The following KCND2 variants were observed in gnomAD, a reference collection of about 807,000 sequenced individuals.
The protein encoded by KCND2 is potassium voltage-gated channel subfamily D member 2, also known as A-type voltage-gated potassium channel KCND2.
A neutral mutation model predicts 54.4 loss-of-function variants in KCND2; 16 were observed. The ratio of observed to expected loss-of-function variants is 0.29; its 90% CI spans 0.20 to 0.45. The LOEUF is 0.45. Ranked by LOEUF, KCND2 falls within the 20% of genes least tolerant of loss-of-function variation. KCND2 has a pLI of 1.00. For synonymous variants in KCND2, 317 were observed against 310.7 expected (o/e 1.02, Z -0.21); for missense variants, 486 against 824.2 (o/e 0.59, Z 5.02).
intron 1 of KCND2, among the ~76,000 whole-genome samples, chr7:120,294,505 A>G (rs189770155): frequency 6.6e-6 from 1 of 151,946 alleles, no homozygotes; most frequent in East Asian, 1.9e-4. Context: ...ACTAGATCTG[A>G]TTAATGCCGT....
intron 1 of KCND2, among the ~76,000 whole-genome samples, chr7:120,544,654 A>T (rs997750048): frequency 6.6e-6 from 1 of 151,964 alleles, no homozygotes; most frequent in African/African-American, 2.4e-5. Flanking sequence ...AACTGCAACA[A>T]TAGTTCAAAC....
chr7:120,430,661 G>C (rs1188179147), intron 1 of KCND2, among the ~76,000 whole-genome samples: 2 of 152,200 alleles, frequency 1.3e-5, no homozygotes, highest in East Asian at 3.9e-4. Flanking sequence ...ATAATTACCT[G>C]ATAAATTATT....
intron 1 of KCND2, 52 bp downstream of exon 1, chr7:120,275,799 T>A: frequency 6.4e-7 from 1 of 1,568,552 alleles, no homozygotes; most frequent in African/African-American, 1.3e-5. Context: ...GTGAGGCGAT[T>A]GTGGACCCAT....
chr7:120,351,992 A>G (rs1446140030), intron 1 of KCND2, among the ~76,000 whole-genome samples: 1 of 151,894 alleles, frequency 6.6e-6, no homozygotes, highest in Non-Finnish European at 1.5e-5. Flanking sequence ...TTGTATTTTC[A>G]GTAGAGACAG....
intron 1 of KCND2, among the ~76,000 whole-genome samples, chr7:120,548,319 G>T (rs931188814): frequency 2.0e-5 from 3 of 152,108 alleles, no homozygotes; most frequent in African/African-American, 7.2e-5. Flanking sequence ...TCTTATTTCT[G>T]ACTGGTGAAC....
At position 120,418,912 on chromosome 7, in the gene KCND2, C is replaced by T. The variant is rs544389963; in HGVS notation, c.1115+143165C>T. 3.3e-5 allele frequency among the ~76,000 whole-genome samples: 5 copies of T among 152,058 alleles called. No homozygotes were observed. In the East Asian group the frequency reaches 5.8e-4, roughly 18 times the overall value. On this transcript the variant is annotated intron_variant, in intron 1 of 5. Transcript: ENST00000331113. ...CAAAGCATTAAGTTATTCAAGCAGG[C>T]GAGAAATTCAGTGGAAAAAAATCAT...
At chr7:120,280,566 C>T (rs1799245503) in intron 1 of KCND2, among the ~76,000 whole-genome samples, 1 of 151,992 alleles carries the variant, frequency 6.6e-6, no homozygotes, top group South Asian at 2.1e-4. Context: ...TACTTCTGAA[C>T]ATTCCTCTCA....
intron 1 of KCND2, among the ~76,000 whole-genome samples, chr7:120,444,002 C>T (rs1435763807): frequency 6.6e-6 from 1 of 152,100 alleles, no homozygotes; most frequent in Non-Finnish European, 1.5e-5. Context: ...TCATTCCTTG[C>T]TCCTGCTGTT....
chr7:120,420,817 G>C (rs1584771642), intron 1 of KCND2, among the ~76,000 whole-genome samples: 1 of 152,054 alleles, frequency 6.6e-6, no homozygotes, highest in East Asian at 1.9e-4. Context: ...ATGATTGCTG[G>C]CAAAATCATA....
intron 1 of KCND2, among the ~76,000 whole-genome samples, chr7:120,427,227 A>G (rs1472941335): frequency 1.3e-5 from 2 of 152,188 alleles, no homozygotes; most frequent in Non-Finnish European, 2.9e-5. Context: ...ATACAAACCT[A>G]TAACACAAAA....
chr7:120,749,354 A>G lies in KCND2; in HGVS notation c.*1496A>G, dbSNP rs932076507. ...ATGCAAAGTTGATCTCTGTACATTT[A>G]AGTGAAAAGTCTTTATAACTTTTCA... On this transcript the variant is annotated 3_prime_UTR_variant, in exon 6 of 6. Coordinates refer to ENST00000331113, the MANE Select transcript of KCND2 (RefSeq NM_012281.3). The G allele has an allele frequency of 1.3e-5, 2 of 152,344 alleles. No homozygotes were observed. The highest frequency in any genetic ancestry group is 6.6e-5 in the Admixed American group (1 of 15,234). 9.4% of individuals were successfully genotyped at this position (152,344 alleles called of 1,614,324 possible). A position where few individuals can be genotyped will look rare whatever the true frequency, so the allele number is the denominator to read the frequency against.
intron 1 of KCND2, among the ~76,000 whole-genome samples, chr7:120,623,603 T>C (rs1166459237): frequency 6.6e-6 from 1 of 152,224 alleles, no homozygotes; most frequent in Non-Finnish European, 1.5e-5. Flanking sequence ...AACCAAACTT[T>C]GAGTATTAAA....
At chr7:120,326,133 A>G (rs1799970631) in intron 1 of KCND2, among the ~76,000 whole-genome samples, 1 of 152,110 alleles carries the variant, frequency 6.6e-6, no homozygotes, top group Non-Finnish European at 1.5e-5. Flanking sequence ...AAATACTTAT[A>G]TTGAGTAAAT....
chr7:120,614,760 A>G (rs1793000126), intron 1 of KCND2, among the ~76,000 whole-genome samples: 1 of 152,242 alleles, frequency 6.6e-6, no homozygotes, highest in Non-Finnish European at 1.5e-5. Context: ...ATTACTTTGT[A>G]TTAAAATGAA....
At chr7:120,739,584 T>C (rs1452627535) in intron 2 of KCND2, among the ~76,000 whole-genome samples, 1 of 152,026 alleles carries the variant, frequency 6.6e-6, no homozygotes, top group Non-Finnish European at 1.5e-5. Flanking sequence ...TTTATAAATA[T>C]GGTCTTTGTA....
intron 1 of KCND2, among the ~76,000 whole-genome samples, chr7:120,678,670 A>C (rs929386096): frequency 1.4e-5 from 2 of 147,074 alleles, no homozygotes; most frequent in Non-Finnish European, 3.0e-5. Context: ...ACACATATAC[A>C]TATGTGTGTA....
At chr7:120,362,427 A>G (rs1440195489) in intron 1 of KCND2, among the ~76,000 whole-genome samples, 1 of 152,156 alleles carries the variant, frequency 6.6e-6, no homozygotes, top group African/African-American at 2.4e-5. Context: ...TAGGAAAGGA[A>G]GGAAAAGACA....
intron 1 of KCND2, among the ~76,000 whole-genome samples, chr7:120,623,710 A>G (rs1324550876): frequency 6.6e-6 from 1 of 152,238 alleles, no homozygotes; most frequent in Non-Finnish European, 1.5e-5. Context: ...TTTAAATTGT[A>G]AAATGGATGA....
intron 1 of KCND2, among the ~76,000 whole-genome samples, chr7:120,298,006 A>G (rs1043366892): frequency 1.3e-5 from 2 of 152,172 alleles, no homozygotes; most frequent in African/African-American, 4.8e-5. Flanking sequence ...AACATCTGGA[A>G]TGTGGCTAGG....
Sources: allele counts gnomAD v4.1 joint callset (sites outside exome capture counted in the v4.1 genomes callset), GRCh38; gene constraint gnomAD v4.1.1; transcripts MANE v1.5; gene names NCBI Gene and HGNC (gene_info 2026-07-23, HGNC 2026-07-21).